The following ORC3 variants were observed in gnomAD, a reference collection of about 807,000 sequenced individuals.
ORC3 encodes origin recognition complex subunit 3.
ORC3 carries 78 observed loss-of-function variants against 100.7 expected under a neutral mutation model. The observed-to-expected ratio is 0.77, with a 90% CI of 0.65 to 0.94. ORC3 has a LOEUF of 0.94. Among genes scored for constraint, ORC3 ranks in the 40% least tolerant of loss-of-function variants. The pLI is 0.00. For synonymous variants in ORC3, 295 were observed against 289.3 expected (o/e 1.02, Z -0.20); for missense variants, 789 against 823.9 (o/e 0.96, Z 0.52).
chr6:87,609,180 A>G lies in ORC3; in HGVS notation c.664A>G (p.Met222Val), dbSNP rs1470718135. Reference protein sequence around the residue: ...SPPVVVILKDMESFATKVLQD... With the variant: ...SPPVVVILKDVESFATKVLQD... ...TCCTGTTGTCGTTATCTTGAAGGAT[A>G]TGGAAAGCTTTGCCACAAAAGTACT... Residue 222 changes from methionine to valine, a missense_variant, in exon 7 of 20, where the codon ATG (methionine) becomes GTG (valine). By Grantham distance (21) the Met-to-Val change is conservative. Coordinates refer to ENST00000392844, the MANE Select transcript of ORC3 (RefSeq NM_012381.4). 6 of 1,610,724 alleles carry G rather than the reference A, an allele frequency of 3.7e-6. No individual in the cohort carries two copies. The highest frequency in any genetic ancestry group is 5.1e-6 in the Non-Finnish European group (6 of 1,178,900).
chr6:87,608,036 G>C (rs1778476208), intron 6 of ORC3, among the ~76,000 whole-genome samples: 1 of 152,138 alleles, frequency 6.6e-6, no homozygotes, highest in Admixed American at 6.6e-5. Context: ...TAAGTGCTTA[G>C]GTTTTTACAA....
the ORC3 span, among the ~76,000 whole-genome samples, chr6:87,674,052 G>A: frequency 1.3e-5 from 2 of 152,256 alleles, no homozygotes; most frequent in South Asian, 2.1e-4. Context: ...GCTCACGCCA[G>A]CATTTTGGAA....
intron 4 of ORC3, 95 bp downstream of exon 4, chr6:87,603,623 A>T (rs1778130176): frequency 1.5e-6 from 1 of 648,112 alleles, no homozygotes; most frequent in Non-Finnish European, 2.5e-6. Context: ...ACCTGTTTTG[A>T]TGAGCCTATT....
chr6:87,594,963 A>G (rs931753526), intron 2 of ORC3, among the ~76,000 whole-genome samples: 6 of 152,228 alleles, frequency 3.9e-5, no homozygotes, highest in Non-Finnish European at 7.3e-5. Flanking sequence ...AGACTTAAAT[A>G]TGCTTAAAAA....
At chr6:87,625,285 T>C (rs1779816753) in intron 11 of ORC3, among the ~76,000 whole-genome samples, 1 of 152,200 alleles carries the variant, frequency 6.6e-6, no homozygotes, top group African/African-American at 2.4e-5. Context: ...TCTTCCACAA[T>C]GGTTGAACTA....
chr6:87,662,421 AAACTCCGTCTC>A (rs1477436583), intron 16 of ORC3, among the ~76,000 whole-genome samples: 2 of 152,138 alleles, frequency 1.3e-5, no homozygotes, highest in African/African-American at 4.8e-5. Context: ...GACAAGAGTG[AAACTCCGTCTC>A]AAAAAAAACC....
At chr6:87,625,882 C>T (rs1406038387) in intron 11 of ORC3, among the ~76,000 whole-genome samples, 1 of 152,138 alleles carries the variant, frequency 6.6e-6, no homozygotes, top group Non-Finnish European at 1.5e-5. Context: ...AGGAAGGGAT[C>T]CAGTTTCAGC....
intron 1 of ORC3, 44 bp downstream of exon 1, chr6:87,590,236 T>C (rs1382787744): frequency 1.3e-6 from 2 of 1,599,598 alleles, no homozygotes; most frequent in Non-Finnish European, 1.7e-6. Flanking sequence ...CGCTGCCTCA[T>C]TCCCCTTTGA....
intron 11 of ORC3, among the ~76,000 whole-genome samples, chr6:87,624,353 G>A (rs2128267978): frequency 6.6e-6 from 1 of 152,166 alleles, no homozygotes; most frequent in South Asian, 2.1e-4. Context: ...GCATAGTGGT[G>A]CATGCCTGTA....
chr6:87,665,165 A>G (rs1422962714), intron 18 of ORC3, among the ~76,000 whole-genome samples: 1 of 152,180 alleles, frequency 6.6e-6, no homozygotes, highest in Non-Finnish European at 1.5e-5. Context: ...AAACTAAACA[A>G]TTTAGGTCAG....
At chr6:87,630,393 C>A (rs1347261662) in intron 11 of ORC3, among the ~76,000 whole-genome samples, 2 of 152,132 alleles carry the variant, frequency 1.3e-5, no homozygotes, top group Non-Finnish European at 2.9e-5. Flanking sequence ...AGAGCAAGAT[C>A]CTGTCTCAAA....
intron 11 of ORC3, among the ~76,000 whole-genome samples, chr6:87,634,137 C>T (rs1767636624): frequency 6.6e-6 from 1 of 152,178 alleles, no homozygotes; most frequent in African/African-American, 2.4e-5. Context: ...TGAGCCACTA[C>T]ACCTGCATAG....
downstream of ORC3, among the ~76,000 whole-genome samples, chr6:87,668,207 C>T (rs1770757127): frequency 6.6e-6 from 1 of 152,124 alleles, no homozygotes; most frequent in South Asian, 2.1e-4. Context: ...TACAAAATTA[C>T]CATGCAGATA....
chr6:87,655,460 T>G (rs140246210), intron 14 of ORC3, among the ~76,000 whole-genome samples: 1 of 151,160 alleles, frequency 6.6e-6, no homozygotes, highest in East Asian at 2.0e-4. Flanking sequence ...CAAGTGATCC[T>G]CCCATCTTAG....
intron 13 of ORC3, among the ~76,000 whole-genome samples, chr6:87,637,148 AG>A (rs1163101013): frequency 1.3e-5 from 2 of 152,194 alleles, no homozygotes; most frequent in African/African-American, 4.8e-5. Context: ...AAGTTTCGCC[AG>A]TTTTATAATT....
Position 87,631,079 on chromosome 6 carries a change from C to CACTAT in ORC3, c.1186-3765_1186-3761dup, listed in dbSNP as rs1008644206. Among the ~76,000 whole-genome samples, 3 of 146,150 alleles carry CACTAT rather than the reference C, an allele frequency of 2.1e-5. No homozygotes were observed. The Admixed American group carries it at 2.1e-4, about 10-fold the overall frequency. Reference sequence around the variant, plus strand: ...TTTTTTTTGTAGAGACAGGGTCTCTCACTATGTTGCTCACTATCAAGCTGG... The same window carrying CACTAT: ...TTTTTTTTGTAGAGACAGGGTCTCTCACTATACTATGTTGCTCACTATCAAGCTGG... On this transcript the variant is annotated intron_variant, in intron 11 of 19. Transcript: ENST00000392844.
chr6:87,666,194 C>T (rs914543938), intron 19 of ORC3, among the ~76,000 whole-genome samples: 2 of 152,102 alleles, frequency 1.3e-5, no homozygotes, highest in Admixed American at 1.3e-4. Context: ...TGCAGTAGTG[C>T]GATCTTGGCT....
At chr6:87,666,736 T>C (rs1770675251) in intron 19 of ORC3, among the ~76,000 whole-genome samples, 1 of 151,896 alleles carries the variant, frequency 6.6e-6, no homozygotes, top group Admixed American at 6.6e-5. Context: ...ACTGACCTGG[T>C]CTGAATTCTC....
chr6:87,633,891 CCT>C (rs923547798), intron 11 of ORC3, among the ~76,000 whole-genome samples: 15 of 152,146 alleles, frequency 9.9e-5, no homozygotes, highest in African/African-American at 3.4e-4. Context: ...CTCTAGAAAA[CCT>C]CTCTCTCCCC....
Sources: gnomAD v4.1 joint callset for allele counts (sites outside exome capture counted in the v4.1 genomes callset) on GRCh38, gnomAD v4.1.1 for gene constraint, MANE v1.5 for transcripts, NCBI Gene and HGNC (gene_info 2026-07-23, HGNC 2026-07-21) for gene names.